TWIST2: variants seen among roughly 807,000 people sequenced by gnomAD.
The protein encoded by TWIST2 is twist-related protein 2.
A neutral mutation model predicts 11.6 loss-of-function variants in TWIST2; 1 was observed. The ratio of observed to expected loss-of-function variants is 0.09; its 90% CI spans 0.03 to 0.41. TWIST2 has a LOEUF of 0.41. Ranked by LOEUF, TWIST2 falls within the 10% of genes least tolerant of loss-of-function variation. The pLI is 0.98. For missense variants in TWIST2, 168 were observed against 226.4 expected, an observed-to-expected ratio of 0.74 and a Z score of 1.66; for synonymous variants, 87 against 96.6, an observed-to-expected ratio of 0.90 and a Z score of 0.58.
chr2:238,870,328 C>A (rs1358611556), intron 1 of TWIST2, among the ~76,000 whole-genome samples: 3 of 19,406 alleles, frequency 1.5e-4, no homozygotes, highest in Non-Finnish European at 2.3e-4. Context: ...CCCACACACC[C>A]CACACACCCC....
chr2:238,870,123 C>T (rs1378383605), intron 1 of TWIST2, among the ~76,000 whole-genome samples: 2 of 35,270 alleles, frequency 5.7e-5, no homozygotes, highest in Non-Finnish European at 1.1e-4. Context: ...CCATACACCC[C>T]CCACACACAC....
At chr2:238,883,001 C>A (rs1009192301) in intron 1 of TWIST2, among the ~76,000 whole-genome samples, 1 of 152,168 alleles carries the variant, frequency 6.6e-6, no homozygotes, top group Non-Finnish European at 1.5e-5. Flanking sequence ...CTCTTGACAT[C>A]ATTCCCTCCA....
At chr2:238,903,376 T>A (rs1233519703) in intron 1 of TWIST2, among the ~76,000 whole-genome samples, 28 of 137,916 alleles carry the variant, frequency 2.0e-4, no homozygotes, top group Non-Finnish European at 3.5e-4. Context: ...TGTGATTTAG[T>A]GTGTGCGTGA....
intron 1 of TWIST2, among the ~76,000 whole-genome samples, chr2:238,875,123 C>A (rs991260410): frequency 2.0e-5 from 3 of 152,140 alleles, no homozygotes; most frequent in African/African-American, 7.2e-5. Flanking sequence ...GAAATACATT[C>A]ATTCATTAGC....
At chr2:238,889,030 T>G (rs1405515195) in intron 1 of TWIST2, among the ~76,000 whole-genome samples, 2 of 152,208 alleles carry the variant, frequency 1.3e-5, no homozygotes, top group Non-Finnish European at 2.9e-5. Context: ...TCCTTGGGTC[T>G]GTCCTGGTCA....
At chr2:238,855,903 G>C (rs550166850) in intron 1 of TWIST2, among the ~76,000 whole-genome samples, 1 of 152,086 alleles carries the variant, frequency 6.6e-6, no homozygotes, top group African/African-American at 2.4e-5. Context: ...CCTCTCCTTC[G>C]TGGGCTCATG....
intron 1 of TWIST2, among the ~76,000 whole-genome samples, chr2:238,862,515 T>C (rs909679118): frequency 1.3e-5 from 2 of 152,212 alleles, no homozygotes; most frequent in African/African-American, 4.8e-5. Context: ...AAGGATATTA[T>C]TTTTTATTAA....
At position 238,898,765 on chromosome 2, in the gene TWIST2, G is replaced by C. The variant is rs1010867460; in HGVS notation, c.*36-11077G>C. ...CTTTGAGGCTTCCGTTGGGGTGGGG[G>C]CTGGATGGGCAAAGTCCTGGAGGGG... is the stretch of plus-strand genomic sequence containing the variant. On this transcript the variant is annotated intron_variant, in intron 1 of 1. Transcript: ENST00000612363. Among the ~76,000 whole-genome samples the C allele has an allele frequency of 3.3e-5, 5 of 152,248 alleles. No individual in the cohort carries two copies. In the South Asian group the frequency reaches 1.0e-3, roughly 32 times the overall value.
chr2:238,901,973 T>G (rs1257444979), intron 1 of TWIST2, among the ~76,000 whole-genome samples: 2 of 152,096 alleles, frequency 1.3e-5, no homozygotes, highest in Non-Finnish European at 2.9e-5. Flanking sequence ...GCCAGGGTCC[T>G]GTGGAGGCAA....
At chr2:238,868,375 G>A (rs1270155151) in intron 1 of TWIST2, among the ~76,000 whole-genome samples, 1 of 152,236 alleles carries the variant, frequency 6.6e-6, no homozygotes, top group Non-Finnish European at 1.5e-5. Context: ...AGATGACACA[G>A]CTAAGCAGGG....
chr2:238,880,357 GTATT>G (rs1323583367), intron 1 of TWIST2, among the ~76,000 whole-genome samples: 37 of 134,606 alleles, frequency 2.7e-4, no homozygotes, highest in Admixed American at 1.7e-3. Context: ...ATTAGTGTTA[GTATT>G]TATTTGTGTT....
chr2:238,849,350 G>A (rs1314742603), intron 1 of TWIST2, among the ~76,000 whole-genome samples: 1 of 152,230 alleles, frequency 6.6e-6, no homozygotes, highest in Non-Finnish European at 1.5e-5. Flanking sequence ...GGGGAGGACG[G>A]GAGGAAACTG....
intron 1 of TWIST2, among the ~76,000 whole-genome samples, chr2:238,882,646 T>C (rs1692958203): frequency 6.6e-6 from 1 of 152,020 alleles, no homozygotes; most frequent in Non-Finnish European, 1.5e-5. Flanking sequence ...AGACCAGGAG[T>C]TAATGATCTG....
chr2:238,908,120 A>C (rs1451299310), intron 1 of TWIST2, among the ~76,000 whole-genome samples: 2 of 150,906 alleles, frequency 1.3e-5, no homozygotes, highest in Non-Finnish European at 3.0e-5. Flanking sequence ...CCACATACAC[A>C]TACACATAGA....
At chr2:238,893,640 C>T (rs1693174264) in intron 1 of TWIST2, among the ~76,000 whole-genome samples, 1 of 152,182 alleles carries the variant, frequency 6.6e-6, no homozygotes, top group Non-Finnish European at 1.5e-5. Context: ...GGAACACGGG[C>T]GCACCGATTG....
At position 238,848,248 on chromosome 2, in the gene TWIST2, C is replaced by A. The variant is rs1370997462; in HGVS notation, c.33C>A (p.Pro11=). The change falls in exon 1 of 2, where the codon CCC becomes CCA. Residue 11 remains proline, a synonymous_variant. Coordinates refer to ENST00000612363, the MANE Select transcript of TWIST2 (RefSeq NM_001271893.4). ...AGGGCTCCAGCTCGCCCGTGTCCCC[C>A]GTGGACAGCCTGGGCACCAGCGAGG... The part of the protein sequence containing the change: MEEGSSSPVS[P]VDSLGTSEEE... 4.6e-6 allele frequency: 7 copies of A among 1,513,138 alleles called. No individual in the cohort carries two copies. The highest frequency in any genetic ancestry group is 6.2e-6 in the Non-Finnish European group (7 of 1,131,546). The allele number at this position is 1,513,138 out of a possible 1,614,324, so 93.7% of individuals were successfully genotyped here. A position where few individuals can be genotyped will look rare whatever the true frequency, so the allele number is the denominator to read the frequency against.
At chr2:238,905,632 T>C (rs1296796576) in intron 1 of TWIST2, among the ~76,000 whole-genome samples, 7 of 152,178 alleles carry the variant, frequency 4.6e-5, no homozygotes, top group Non-Finnish European at 1.0e-4. Flanking sequence ...GTATTTCCCC[T>C]TGGAGGGTTG....
In TWIST2 at chr2:238,904,831, GA is replaced by G. The variant is rs1451651985; in HGVS notation, c.*36-5006del. Among the ~76,000 whole-genome samples the G allele has an allele frequency of 2.7e-3, 418 of 152,106 alleles. 4 individuals carry two copies. Among genetic ancestry groups the G allele is most frequent in the African/African-American group, 9.7e-3 (402 of 41,460 alleles). ...GGGAAGGAAGCGGAAGGAAGGGAGG[GA>G]AAAATGAATGAATTGGTGAAAGGAT... On this transcript the variant is annotated intron_variant, in intron 1 of 1. Transcript: ENST00000612363.
intron 1 of TWIST2, among the ~76,000 whole-genome samples, chr2:238,881,699 C>A (rs1324136217): frequency 6.6e-6 from 1 of 152,114 alleles, no homozygotes; most frequent in Non-Finnish European, 1.5e-5. Flanking sequence ...GTCTGCATCC[C>A]CATCTCGGCC....
Sources: gnomAD v4.1 joint callset for allele counts (sites outside exome capture counted in the v4.1 genomes callset) on GRCh38, gnomAD v4.1.1 for gene constraint, MANE v1.5 for transcripts, NCBI Gene and HGNC (gene_info 2026-07-23, HGNC 2026-07-21) for gene names.